The following LAMA4 variants were observed in gnomAD, a reference collection of about 807,000 sequenced individuals.
LAMA4 encodes laminin subunit alpha 4.
In LAMA4, 127 loss-of-function variants were observed where a neutral mutation model predicts 207.1. That is an observed-to-expected ratio of 0.61 (90% CI 0.53 to 0.71). LAMA4 has a LOEUF of 0.71. LAMA4 is among the 30% of genes least tolerant of loss of function. The pLI, the probability that LAMA4 is intolerant of heterozygous loss-of-function variation, is 0.00. For missense variants in LAMA4, 2,093 were observed against 2,246.5 expected, an observed-to-expected ratio of 0.93 and a Z score of 1.38; for synonymous variants, 761 against 816.0, an observed-to-expected ratio of 0.93 and a Z score of 1.15.
chr6:112,152,483 C>G (rs1303043836), intron 16 of LAMA4, among the ~76,000 whole-genome samples: 1 of 152,066 alleles, frequency 6.6e-6, no homozygotes, highest in Non-Finnish European at 1.5e-5. Flanking sequence ...ATTACCTCAT[C>G]ATCTGAACTA....
intron 31 of LAMA4, among the ~76,000 whole-genome samples, chr6:112,127,652 A>G (rs1778782134): frequency 6.6e-6 from 1 of 152,154 alleles, no homozygotes; most frequent in Non-Finnish European, 1.5e-5. Context: ...CAGTAGTGAC[A>G]TGATATGATT....
chr6:112,139,149 T>C lies in LAMA4; in HGVS notation c.3253A>G (p.Asn1085Asp). Residue 1085 changes from asparagine (N) to aspartate (D), a missense_variant, in exon 24 of 39, where the codon AAC becomes GAC. Coordinates refer to ENST00000230538, the MANE Select transcript of LAMA4 (RefSeq NM_001105206.3). ...TTGACCATCAGGAGAATAAGGCCGT[T>C]GTCAGCTGGTGTTCGAACTTCTATG... ...FDIEVRTPAD[N>D]GLILLMVNGS... The C allele has an allele frequency of 6.2e-7, 1 of 1,614,152 alleles. No individual in the cohort carries two copies. Among genetic ancestry groups the C allele is most frequent in the Non-Finnish European group, 8.5e-7 (1 of 1,179,988 alleles).
At position 112,139,875 on chromosome 6, in the gene LAMA4, C is replaced by T. The variant is rs1554332641; in HGVS notation, c.2987G>A (p.Ser996Asn). The change falls in exon 23 of 39, where the codon AGC becomes AAC. Residue 996 changes from serine (S) to asparagine (N), a missense_variant. Ser to Asn is a conservative substitution (Grantham distance 46). Transcript: ENST00000230538. ...GVPSNFKLPT[S>N]LNLPGFVGCL... ...GCCAACAAAGCCAGGCAGGTTTAAG[C>T]TGGTAGGGAGCTATGCAATAGAAAA... is the stretch of plus-strand genomic sequence containing the variant. 5 of 1,613,928 alleles carry T rather than the reference C, an allele frequency of 3.1e-6. No individual in the cohort carries two copies. The highest frequency in any genetic ancestry group is 3.3e-5 in the Admixed American group (2 of 59,998).
intron 9 of LAMA4, among the ~76,000 whole-genome samples, chr6:112,180,286 G>A (rs1258311870): frequency 6.6e-6 from 1 of 152,074 alleles, no homozygotes; most frequent in African/African-American, 2.4e-5. Flanking sequence ...TTTGACAAAC[G>A]CCAGAGGGCG....
intron 14 of LAMA4, among the ~76,000 whole-genome samples, chr6:112,156,489 C>T (rs1449602849): frequency 6.6e-6 from 1 of 152,080 alleles, no homozygotes; most frequent in Admixed American, 6.6e-5. Flanking sequence ...CTATGTGTAC[C>T]CGCATAATTT....
chr6:112,233,453 C>T (rs1245251964), intron 2 of LAMA4, among the ~76,000 whole-genome samples: 6 of 152,128 alleles, frequency 3.9e-5, no homozygotes, highest in Non-Finnish European at 8.8e-5. Flanking sequence ...AATCATGGAC[C>T]CTTCTGGCCT....
intron 16 of LAMA4, 47 bp downstream of exon 16, chr6:112,154,804 G>C (rs1277151669): frequency 8.8e-7 from 1 of 1,141,298 alleles, no homozygotes; most frequent in Non-Finnish European, 1.3e-6. Context: ...TGAAAGGAGG[G>C]AAGCAGCTAT....
intron 2 of LAMA4, among the ~76,000 whole-genome samples, chr6:112,241,752 G>A (rs191404336): frequency 1.1e-3 from 169 of 152,300 alleles, no homozygotes; most frequent in African/African-American, 4.0e-3. Context: ...AGTCTGCAGG[G>A]AGAATGGGGA....
rs1554347709 is a variant in LAMA4, at chr6:112,189,175, C to T, written c.749G>A (p.Ser250Asn). ...VCNCGGGPCD[S>N]VTGECLEEGF... ...TTCTTCCAAGCATTCTCCGGTTACA[C>T]TGTCACATGGGCCTCCCCCGCAGTT... Residue 250 changes from serine to asparagine, a missense_variant, in exon 7 of 39, where the codon AGT becomes AAT. Ser to Asn is a conservative substitution (Grantham distance 46). This residue lies in a region of LAMA4 where 1,704 missense variants were observed against 1,788.4 expected (regional missense o/e 0.95). Coordinates refer to ENST00000230538, the MANE Select transcript of LAMA4 (RefSeq NM_001105206.3). 5 of 1,614,040 alleles carry T rather than the reference C, an allele frequency of 3.1e-6. No individual in the cohort carries two copies. Among genetic ancestry groups the T allele is most frequent in the Non-Finnish European group, 3.4e-6 (4 of 1,179,926 alleles).
intron 3 of LAMA4, chr6:112,213,675 A>G (rs1001562639): frequency 4.8e-6 from 1 of 209,614 alleles, no homozygotes; most frequent in Non-Finnish European, 9.4e-6. Flanking sequence ...TATACTCTAT[A>G]TTTTGTGGCT....
At chr6:112,130,267 A>G (rs1583664419) in intron 29 of LAMA4, 2 of 558,902 alleles carry the variant, frequency 3.6e-6, no homozygotes, top group East Asian at 3.1e-5. Context: ...CCGTAAGGCA[A>G]GAAATTCAGA....
At chr6:112,248,007 T>C (rs1167431828) in intron 2 of LAMA4, among the ~76,000 whole-genome samples, 1 of 152,198 alleles carries the variant, frequency 6.6e-6, no homozygotes, top group Non-Finnish European at 1.5e-5. Context: ...ACTGCATGAT[T>C]ATGTATATGG....
chr6:112,234,909 T>C (rs1453744320), intron 2 of LAMA4, among the ~76,000 whole-genome samples: 1 of 152,152 alleles, frequency 6.6e-6, no homozygotes, highest in African/African-American at 2.4e-5. Flanking sequence ...TATCTTTGGA[T>C]ATCCAAATAT....
chr6:112,115,067 A>G (rs1777934628), intron 36 of LAMA4, among the ~76,000 whole-genome samples: 1 of 152,210 alleles, frequency 6.6e-6, no homozygotes, highest in Non-Finnish European at 1.5e-5. Flanking sequence ...ATTGGTGAAG[A>G]ACATGGACTT....
chr6:112,121,853 A>G, intron 32 of LAMA4, 161 bp downstream of exon 32: 3 of 656,950 alleles, frequency 4.6e-6, no homozygotes, highest in South Asian at 3.4e-5. Flanking sequence ...AATTCTTTTG[A>G]TAGCATAAAT....
intron 2 of LAMA4, among the ~76,000 whole-genome samples, chr6:112,223,238 G>T (rs1275239353): frequency 6.6e-6 from 1 of 152,034 alleles, no homozygotes; most frequent in Non-Finnish European, 1.5e-5. Flanking sequence ...TGGGGCAAAT[G>T]CCTTGGACAC....
intron 20 of LAMA4, 80 bp downstream of exon 20, chr6:112,142,039 T>C: frequency 6.9e-7 from 1 of 1,453,842 alleles, no homozygotes; most frequent in Non-Finnish European, 9.6e-7. Context: ...TTTGTTTGCC[T>C]AGGTGGCTTT....
chr6:112,227,315 C>T (rs898715758), intron 2 of LAMA4, among the ~76,000 whole-genome samples: 14 of 152,010 alleles, frequency 9.2e-5, no homozygotes, highest in South Asian at 2.1e-4. Flanking sequence ...GTGATCCACC[C>T]GCCTCGGCCT....
At chr6:112,153,167 G>A (rs1780499727) in intron 16 of LAMA4, among the ~76,000 whole-genome samples, 3 of 152,034 alleles carry the variant, frequency 2.0e-5, no homozygotes, top group African/African-American at 7.2e-5. Flanking sequence ...GATATATAAT[G>A]AAAAGGAAAT....
Sources: allele counts gnomAD v4.1 joint callset (sites outside exome capture counted in the v4.1 genomes callset), GRCh38; gene constraint gnomAD v4.1.1; regional missense constraint gnomAD v4.1.1; transcripts MANE v1.5; gene names NCBI Gene and HGNC (gene_info 2026-07-23, HGNC 2026-07-21).